THADA: variants seen among roughly 807,000 people sequenced by gnomAD.
THADA encodes tRNA (32-2'-O)-methyltransferase regulator THADA.
Under a neutral mutation model 219.8 loss-of-function variants are expected in THADA, and 213 were observed. That is an observed-to-expected ratio of 0.97 (90% CI 0.87 to 1.09). THADA has a LOEUF of 1.09. Ranked by LOEUF, THADA falls within the 50% of genes least tolerant of loss-of-function variation. The pLI is 0.00. For missense variants in THADA, 2,956 were observed against 2,311.3 expected (o/e 1.28, Z -5.72); for synonymous variants, 1,018 against 828.9 (o/e 1.23, Z -3.92).
intron 26 of THADA, among the ~76,000 whole-genome samples, chr2:43,438,239 T>G (rs1402999240): frequency 1.4e-5 from 2 of 146,288 alleles, no homozygotes; most frequent in African/African-American, 5.0e-5. Context: ...GAGGCGGAGC[T>G]TGCAGTGAGC....
chr2:43,248,831 G>GTCTC (rs1669529204), intron 36 of THADA, among the ~76,000 whole-genome samples: 1 of 152,080 alleles, frequency 6.6e-6, no homozygotes, highest in East Asian at 1.9e-4. Context: ...CTCGTGCCCA[G>GTCTC]TCTGACTGGG....
chr2:43,348,061 G>A (rs1437251900), intron 29 of THADA, among the ~76,000 whole-genome samples: 1 of 152,188 alleles, frequency 6.6e-6, no homozygotes, highest in Non-Finnish European at 1.5e-5. Flanking sequence ...GAAACCAGCG[G>A]CTCAAAACCA....
At chr2:43,419,338 A>G (rs1677406552) in intron 28 of THADA, among the ~76,000 whole-genome samples, 1 of 152,204 alleles carries the variant, frequency 6.6e-6, no homozygotes, top group Non-Finnish European at 1.5e-5. Context: ...AAAGTGAGTG[A>G]GGAAGGAAAA....
intron 31 of THADA, among the ~76,000 whole-genome samples, chr2:43,315,580 A>C (rs998087300): frequency 3.3e-5 from 5 of 151,960 alleles, no homozygotes; most frequent in African/African-American, 1.2e-4. Flanking sequence ...CTCCTGCCTC[A>C]GCATCCTGAG....
intron 29 of THADA, among the ~76,000 whole-genome samples, chr2:43,392,198 T>C (rs539579472): frequency 8.5e-5 from 13 of 152,334 alleles, no homozygotes; most frequent in African/African-American, 1.2e-4. Flanking sequence ...TTAAGAAATA[T>C]AAATGACATT....
At chr2:43,369,734 T>G (rs1670583210) in intron 29 of THADA, among the ~76,000 whole-genome samples, 1 of 152,190 alleles carries the variant, frequency 6.6e-6, no homozygotes. Flanking sequence ...TGGGAAACAC[T>G]GACAGCCTAT....
intron 36 of THADA, among the ~76,000 whole-genome samples, chr2:43,252,117 T>G (rs1025414616): frequency 6.6e-6 from 1 of 152,212 alleles, no homozygotes; most frequent in Non-Finnish European, 1.5e-5. Flanking sequence ...GCTACAGACC[T>G]GGCCTTCTTC....
At chr2:43,548,330 T>G (rs1463109104) in intron 20 of THADA, among the ~76,000 whole-genome samples, 2 of 152,194 alleles carry the variant, frequency 1.3e-5, no homozygotes, top group African/African-American at 4.8e-5. Flanking sequence ...GGGACCCACT[T>G]GAGGAGGCAG....
Position 43,570,507 on chromosome 2 carries a change from A to C in THADA, c.2068T>G (p.Phe690Val). ...QQICSLLKKL[F>V]CRIQESSQVL... ...TGAGAACTTTCCTGTATCCTACAAA[A>C]CAACTTTTGAAACAAAGGAAATGAA... Residue 690 changes from phenylalanine to valine, a missense_variant, in exon 14 of 38, where the codon TTT (phenylalanine) becomes GTT (valine). By Grantham distance (50) the Phe-to-Val change is conservative. Coordinates refer to ENST00000405975, the MANE Select transcript of THADA (RefSeq NM_022065.5). 6.2e-7 allele frequency: 1 copy of C among 1,604,794 alleles called. No individual in the cohort carries two copies. Among genetic ancestry groups the C allele is most frequent in the Non-Finnish European group, 8.5e-7 (1 of 1,177,514 alleles).
At chr2:43,492,857 C>T (rs918676480) in intron 25 of THADA, among the ~76,000 whole-genome samples, 1 of 152,102 alleles carries the variant, frequency 6.6e-6, no homozygotes, top group African/African-American at 2.4e-5. Flanking sequence ...TATGAGCAGA[C>T]AAAAGAAGAG....
chr2:43,385,581 T>C (rs1573391857), intron 29 of THADA, among the ~76,000 whole-genome samples: 3 of 122,564 alleles, frequency 2.4e-5, no homozygotes, highest in Non-Finnish European at 4.7e-5. Flanking sequence ...CACTCCAGCC[T>C]GGGCAACAGA....
At chr2:43,269,651 T>C (rs1434792207) in intron 36 of THADA, among the ~76,000 whole-genome samples, 1 of 152,236 alleles carries the variant, frequency 6.6e-6, no homozygotes, top group African/African-American at 2.4e-5. Flanking sequence ...AATGGGGGCC[T>C]ACCTTGATCA....
chr2:43,489,756 C>T (rs1687379890), intron 25 of THADA, among the ~76,000 whole-genome samples: 1 of 151,720 alleles, frequency 6.6e-6, no homozygotes, highest in Non-Finnish European at 1.5e-5. Context: ...CTCTAATTTA[C>T]TGTTGCTTTG....
rs148849120 is a variant in THADA at position 43,481,537 on chromosome 2, T to C, written c.3836+3697A>G. Reference sequence around the variant, plus strand: ...TAAAAAATACTACTTCCCCCCAACATATACTCCACTCAATTCTACCATTTA... The same window carrying C: ...TAAAAAATACTACTTCCCCCCAACACATACTCCACTCAATTCTACCATTTA... On this transcript the variant is annotated intron_variant, in intron 26 of 37. Transcript: ENST00000405975. Among the ~76,000 whole-genome samples the C allele has an allele frequency of 2.0e-5, 3 of 152,318 alleles. No homozygotes were observed. The East Asian group carries it at 5.8e-4, about 29-fold the overall frequency.
At chr2:43,372,937 C>T (rs924563849) in intron 29 of THADA, among the ~76,000 whole-genome samples, 1 of 152,064 alleles carries the variant, frequency 6.6e-6, no homozygotes, top group Non-Finnish European at 1.5e-5. Flanking sequence ...CTCCTGGCCT[C>T]AAGTGATCTG....
chr2:43,396,671 G>C (rs1323463441), intron 29 of THADA, among the ~76,000 whole-genome samples: 1 of 151,836 alleles, frequency 6.6e-6, no homozygotes, highest in Admixed American at 6.6e-5. Context: ...GTGGGGACAG[G>C]GGGGTGCAGG....
chr2:43,531,530 T>C (rs1217215486), intron 21 of THADA, among the ~76,000 whole-genome samples: 1 of 152,170 alleles, frequency 6.6e-6, no homozygotes, highest in Admixed American at 6.5e-5. Flanking sequence ...GTGTAGTCCA[T>C]GAGCAGCTGA....
At chr2:43,533,838 C>T (rs557508370) in intron 21 of THADA, among the ~76,000 whole-genome samples, 7 of 152,110 alleles carry the variant, frequency 4.6e-5, no homozygotes, top group African/African-American at 1.4e-4. Flanking sequence ...AGCAAACCAC[C>T]GTGGCACATG....
chr2:43,379,408 G>T (rs1269090273), intron 29 of THADA, among the ~76,000 whole-genome samples: 1 of 152,080 alleles, frequency 6.6e-6, no homozygotes, highest in African/African-American at 2.4e-5. Context: ...AACCAAAAAA[G>T]TTCAATGACA....
Sources: allele counts gnomAD v4.1 joint callset (sites outside exome capture counted in the v4.1 genomes callset), GRCh38; gene constraint gnomAD v4.1.1; transcripts MANE v1.5; gene names NCBI Gene and HGNC (gene_info 2026-07-23, HGNC 2026-07-21).